AFF1: variants seen among roughly 807,000 people sequenced by gnomAD.
The protein encoded by AFF1 is ALF transcription elongation factor 1.
In AFF1, 48 loss-of-function variants were observed where a neutral mutation model predicts 121.7. The ratio of observed to expected loss-of-function variants is 0.39; its 90% CI spans 0.31 to 0.50. AFF1 has a LOEUF of 0.50. Among genes scored for constraint, AFF1 ranks in the 20% least tolerant of loss-of-function variants. The pLI is 0.76. For missense variants in AFF1, 1,523 were observed against 1,511.7 expected, an observed-to-expected ratio of 1.01 and a Z score of -0.12; for synonymous variants, 613 against 563.0, an observed-to-expected ratio of 1.09 and a Z score of -1.26.
At chr4:87,002,576 C>T (rs1403761992) in intron 2 of AFF1, among the ~76,000 whole-genome samples, 1 of 151,762 alleles carries the variant, frequency 6.6e-6, no homozygotes, top group African/African-American at 2.4e-5. Context: ...GGACTACAGG[C>T]ACATGCCAGC....
chr4:87,071,930 G>C (rs73837598), intron 4 of AFF1, among the ~76,000 whole-genome samples: 2 of 152,082 alleles, frequency 1.3e-5, no homozygotes, highest in African/African-American at 4.8e-5. Context: ...TGGAGTTTCG[G>C]GTCAGGAGCT....
At position 87,123,893 on chromosome 4, in the gene AFF1, A is replaced by G. The variant is rs372841768; in HGVS notation, c.2467-1144A>G. Among the ~76,000 whole-genome samples the G allele has an allele frequency of 6.6e-5, 10 of 152,322 alleles. No homozygotes were observed. In the East Asian group the frequency reaches 1.9e-3, roughly 29 times the overall value. On this transcript the variant is annotated intron_variant, in intron 12 of 20. Transcript: ENST00000395146. ...GTTTGTTAGGGATTGTCCTAAATTGACTGGTGTCCCAGATTTCTAACTTGG... is the reference window on the plus strand; with the variant it reads ...GTTTGTTAGGGATTGTCCTAAATTGGCTGGTGTCCCAGATTTCTAACTTGG...
intron 4 of AFF1, among the ~76,000 whole-genome samples, chr4:87,062,997 C>T (rs909868623): frequency 4.0e-5 from 6 of 151,896 alleles, no homozygotes; most frequent in Admixed American, 1.3e-4. Context: ...TTCTCGAGGC[C>T]GTTATAAGAC....
At chr4:87,094,615 A>G (rs909147075) in intron 7 of AFF1, among the ~76,000 whole-genome samples, 12 of 152,216 alleles carry the variant, frequency 7.9e-5, no homozygotes, top group African/African-American at 2.9e-4. Context: ...GAGTGCTTCC[A>G]TGTGGGCCTC....
chr4:87,052,039 C>A (rs929750918), intron 4 of AFF1, among the ~76,000 whole-genome samples: 1 of 152,090 alleles, frequency 6.6e-6, no homozygotes, highest in African/African-American at 2.4e-5. Context: ...CACAGAGACA[C>A]CTCACATGGA....
intron 2 of AFF1, among the ~76,000 whole-genome samples, chr4:86,962,938 GGTGGATCACTTGAGGCCAGGA>G (rs1180374204): frequency 6.6e-6 from 1 of 152,064 alleles, no homozygotes; most frequent in South Asian, 2.1e-4. Context: ...GGCTGAGGTG[GGTGGATCACTTGAGGCCAGGA>G]GTTCGAGACC....
rs1205882543 is a variant in AFF1 at position 87,137,691 on chromosome 4, G to GGT, written c.*1999_*2000dup. On this transcript the variant is annotated 3_prime_UTR_variant, in exon 21 of 21. Coordinates refer to ENST00000395146, the MANE Select transcript of AFF1 (RefSeq NM_001166693.3). ...TGAACAGTAATTGCCTGGTAGGTTTGGTGTGTGTGTAGCATTGTGTGTCCA... is the reference window on the plus strand; with the variant it reads ...TGAACAGTAATTGCCTGGTAGGTTTGGTGTGTGTGTGTAGCATTGTGTGTCCA... The GGT allele has an allele frequency of 2.6e-5, 6 of 232,504 alleles. No individual in the cohort carries two copies. The highest frequency in any genetic ancestry group is 1.8e-4 in the South Asian group (1 of 5,518). The allele number at this position is 232,504 out of a possible 1,614,324, so 14.4% of individuals were successfully genotyped here.
intron 2 of AFF1, among the ~76,000 whole-genome samples, chr4:86,966,526 A>G (rs1722550589): frequency 6.6e-6 from 1 of 151,976 alleles, no homozygotes; most frequent in Non-Finnish European, 1.5e-5. Flanking sequence ...AAAGCACTGT[A>G]GCTCCCCCAA....
intron 5 of AFF1, among the ~76,000 whole-genome samples, chr4:87,085,637 A>G (rs2149706322): frequency 6.6e-6 from 1 of 152,210 alleles, no homozygotes; most frequent in South Asian, 2.1e-4. Context: ...AATTTTTGAC[A>G]GTAGTAGTAT....
chr4:87,055,221 T>A (rs1719989208), intron 4 of AFF1, among the ~76,000 whole-genome samples: 1 of 152,214 alleles, frequency 6.6e-6, no homozygotes, highest in African/African-American at 2.4e-5. Flanking sequence ...AGAAACACTT[T>A]AAACTCTGAA....
chr4:86,996,708 C>G (rs1440616439), intron 2 of AFF1, among the ~76,000 whole-genome samples: 1 of 149,756 alleles, frequency 6.7e-6, no homozygotes, highest in Non-Finnish European at 1.5e-5. Flanking sequence ...GAGAAACACC[C>G]AAGAATGATC....
At position 87,140,450 on chromosome 4, in the gene AFF1, C is replaced by CT. The variant is rs1185755557; in HGVS notation, c.*4757dup. On this transcript the variant is annotated 3_prime_UTR_variant, in exon 21 of 21. Coordinates refer to ENST00000395146, the MANE Select transcript of AFF1 (RefSeq NM_001166693.3). The stretch of plus-strand genomic sequence containing the variant: ...TTGGATGATACCTGAGCAGGGTTGC[C>CT]TTTTTTTTATTTATTACCATTATAT... 6.3e-5 allele frequency: 11 copies of CT among 173,410 alleles called. No homozygotes were observed. The highest frequency in any genetic ancestry group is 2.8e-4 in the East Asian group (3 of 10,662). The allele number at this position is 173,410 out of a possible 1,614,324, so 10.7% of individuals were successfully genotyped here.
At chr4:87,103,611 T>C (rs1725636732) in intron 8 of AFF1, among the ~76,000 whole-genome samples, 1 of 152,350 alleles carries the variant, frequency 6.6e-6, no homozygotes, top group African/African-American at 2.4e-5. Flanking sequence ...GGGAAAATTT[T>C]TAGAATCTGG....
At chr4:86,995,484 G>A (rs1042596418) in intron 2 of AFF1, among the ~76,000 whole-genome samples, 2 of 151,876 alleles carry the variant, frequency 1.3e-5, no homozygotes, top group Non-Finnish European at 2.9e-5. Flanking sequence ...ACTGGTTTTC[G>A]TATTTTTTTG....
chr4:87,019,409 CTT>C (rs1727658212), intron 2 of AFF1, among the ~76,000 whole-genome samples: 1 of 152,178 alleles, frequency 6.6e-6, no homozygotes, highest in Non-Finnish European at 1.5e-5. Flanking sequence ...AGTCTAAAGA[CTT>C]TTATTCCAGA....
rs2149810280 is a variant in AFF1, at chr4:87,137,065, C to T, written c.*1364C>T. ...TAACACAATCAGAAATCCCATGTGC[C>T]CATAAGCACAGATTTTTCTTTTTCA... On this transcript the variant is annotated 3_prime_UTR_variant, in exon 21 of 21. Transcript: ENST00000395146. The T allele has an allele frequency of 4.5e-6, 1 of 224,468 alleles. No individual in the cohort carries two copies. The highest frequency in any genetic ancestry group is 5.7e-5 in the Admixed American group (1 of 17,448). The allele number at this position is 224,468 out of a possible 1,614,324, so 13.9% of individuals were successfully genotyped here.
chr4:87,048,667 A>G (rs775683126), intron 4 of AFF1, among the ~76,000 whole-genome samples: 13 of 152,198 alleles, frequency 8.5e-5, no homozygotes, highest in Non-Finnish European at 1.8e-4. Flanking sequence ...TTTATCTTCC[A>G]GGAGGACAAC....
intron 2 of AFF1, among the ~76,000 whole-genome samples, chr4:86,995,850 C>A (rs1248728282): frequency 6.7e-6 from 1 of 150,336 alleles, no homozygotes; most frequent in Middle Eastern, 3.2e-3. Context: ...TGGCCGCCAT[C>A]CCATCTGGGA....
chr4:87,088,356 C>T (rs1367652514), intron 5 of AFF1, among the ~76,000 whole-genome samples: 1 of 152,232 alleles, frequency 6.6e-6, no homozygotes, highest in Non-Finnish European at 1.5e-5. Context: ...GCTGCTGTCT[C>T]TCCTGAGGCT....
Sources: gnomAD v4.1 joint callset for allele counts (sites outside exome capture counted in the v4.1 genomes callset) on GRCh38, gnomAD v4.1.1 for gene constraint, MANE v1.5 for transcripts, NCBI Gene and HGNC (gene_info 2026-07-23, HGNC 2026-07-21) for gene names.